The following TRIM62 variants were observed in gnomAD, a reference collection of about 807,000 sequenced individuals.
TRIM62 encodes tripartite motif containing 62.
A neutral mutation model predicts 44.2 loss-of-function variants in TRIM62; 39 were observed. The observed-to-expected ratio is 0.88, with a 90% CI of 0.68 to 1.15. The LOEUF (loss-of-function observed/expected upper bound fraction) is 1.15, where lower values mean the gene tolerates loss of function less well. Among genes scored for constraint, TRIM62 ranks in the 50% most tolerant of loss-of-function variants. The pLI is 0.00. For synonymous variants in TRIM62, 278 were observed against 292.3 expected, an observed-to-expected ratio of 0.95 and a Z score of 0.50; for missense variants, 544 against 665.5, an observed-to-expected ratio of 0.82 and a Z score of 2.01.
chr1:33,181,476 C>A lies in TRIM62; in HGVS notation c.-44G>T. On this transcript the variant is annotated 5_prime_UTR_variant, in exon 1 of 5. Transcript: ENST00000291416. This position sits in a 1 kb window ranked among gnomAD's most constrained non-coding sequence, Gnocchi z 6.5. ...GAGGGGGGCCCGAGGGGCAGGGGGG[C>A]GGCTGAGAGAGCGCGGCGCTGTCGG... 1 of 1,531,896 alleles carries A rather than the reference C, an allele frequency of 6.5e-7. No individual in the cohort carries two copies. Among genetic ancestry groups the A allele is most frequent in the Non-Finnish European group, 8.7e-7 (1 of 1,149,702 alleles). The allele number at this position is 1,531,896 out of a possible 1,614,324, so 94.9% of individuals were successfully genotyped here.
chr1:33,179,748 C>G (rs1570341613), intron 1 of TRIM62, among the ~76,000 whole-genome samples: 1 of 152,074 alleles, frequency 6.6e-6, no homozygotes, highest in African/African-American at 2.4e-5. Flanking sequence ...TATCCCAAAG[C>G]CAGGTACATG....
chr1:33,172,617 C>T (rs2927969), intron 1 of TRIM62, among the ~76,000 whole-genome samples: 7 of 152,090 alleles, frequency 4.6e-5, no homozygotes, highest in Admixed American at 2.0e-4. Flanking sequence ...GTGGAGTCTG[C>T]GCAGCCCTGA....
intron 4 of TRIM62, among the ~76,000 whole-genome samples, chr1:33,153,312 G>A (rs933778746): frequency 6.6e-6 from 1 of 152,228 alleles, no homozygotes; most frequent in South Asian, 2.1e-4. Context: ...CTCCCCAGGG[G>A]CCTCTGCTCT....
intron 2 of TRIM62, among the ~76,000 whole-genome samples, 158 bp from the exon 3 acceptor site, chr1:33,160,102 A>G (rs997823650): frequency 1.3e-5 from 2 of 152,114 alleles, no homozygotes; most frequent in Admixed American, 1.3e-4. Context: ...TGGTGGTAGG[A>G]AAGGATGGGC....
In TRIM62 at chr1:33,181,395, A is replaced by G; in HGVS notation, c.38T>C (p.Ile13Thr). 6.2e-7 allele frequency: 1 copy of G among 1,603,194 alleles called. No homozygotes were observed. The highest frequency in any genetic ancestry group is 8.5e-7 in the Non-Finnish European group (1 of 1,177,338). ...CSLKDELLCSICLSIYQDPVS... is the reference protein window; with the variant it reads ...CSLKDELLCSTCLSIYQDPVS... ...CGGGTCCTGGTAGATGCTCAGGCAGATGGAGCACAGCAGCTCGTCCTTGAG... is the reference window on the plus strand; with the variant it reads ...CGGGTCCTGGTAGATGCTCAGGCAGGTGGAGCACAGCAGCTCGTCCTTGAG... Residue 13 changes from isoleucine (I) to threonine (T), a missense_variant, in exon 1 of 5, where the codon ATC becomes ACC. Ile to Thr is a moderately conservative substitution (Grantham distance 89). Coordinates refer to ENST00000291416, the MANE Select transcript of TRIM62 (RefSeq NM_018207.3). The surrounding 1 kb of genome is among the most constrained non-coding windows in gnomAD (Gnocchi z 6.5).
intron 4 of TRIM62, among the ~76,000 whole-genome samples, chr1:33,155,389 T>G (rs1645164110): frequency 1.3e-5 from 2 of 152,070 alleles, no homozygotes; most frequent in Admixed American, 1.3e-4. Context: ...CTCTTGAACG[T>G]GCCTTGAGGG....
Position 33,181,332 on chromosome 1 carries a change from C to T in TRIM62, c.101G>A (p.Cys34Tyr), listed in dbSNP as rs1408641775. Residue 34 changes from cysteine to tyrosine, a missense_variant, in exon 1 of 5, where the codon TGC becomes TAC. By Grantham distance (194) the Cys-to-Tyr change is radical. Transcript: ENST00000291416. This position sits in a 1 kb window ranked among gnomAD's most constrained non-coding sequence, Gnocchi z 6.5. Reference sequence around the variant, plus strand: ...CTGCCGCACCCAGTGCTCCGTGATGCAGCGGCGGCAGAAGTAATGCTCGCA... The same window carrying T: ...CTGCCGCACCCAGTGCTCCGTGATGTAGCGGCGGCAGAAGTAATGCTCGCA... ...LGCEHYFCRR[C>Y]ITEHWVRQEA... 2 of 1,577,620 alleles carry T rather than the reference C, an allele frequency of 1.3e-6. No individual in the cohort carries two copies. Among genetic ancestry groups the T allele is most frequent in the Non-Finnish European group, 1.7e-6 (2 of 1,165,936 alleles).
intron 1 of TRIM62, among the ~76,000 whole-genome samples, chr1:33,172,547 G>A (rs947465404): frequency 6.6e-6 from 1 of 152,152 alleles, no homozygotes; most frequent in African/African-American, 2.4e-5. Flanking sequence ...CCCCATCGGA[G>A]CGGGGGTGGG....
chr1:33,180,316 C>G (rs566851600), intron 1 of TRIM62, among the ~76,000 whole-genome samples: 1 of 152,034 alleles, frequency 6.6e-6, no homozygotes, highest in African/African-American at 2.4e-5. Context: ...AAGTCCTGGC[C>G]CCACTCAACC....
rs932086494 is a variant in TRIM62 at position 33,181,660 on chromosome 1, G to A, written c.-228C>T. The A allele has an allele frequency of 3.4e-5, 24 of 715,098 alleles. No individual in the cohort carries two copies. The highest frequency in any genetic ancestry group is 5.0e-5 in the Non-Finnish European group (23 of 460,662). The allele number at this position is 715,098 out of a possible 1,614,324, so 44.3% of individuals were successfully genotyped here. A position where few individuals can be genotyped will look rare whatever the true frequency, so the allele number is the denominator to read the frequency against. ...GCCAGCCCGGGAGGGCAGTCTAGAG[G>A]TAGTGGGCAGCTCAAGGCGATGGGC... is the stretch of plus-strand genomic sequence containing the variant. On this transcript the variant is annotated 5_prime_UTR_variant, in exon 1 of 5. Transcript: ENST00000291416. The surrounding 1 kb of genome is among the most constrained non-coding windows in gnomAD (Gnocchi z 6.5).
Position 33,167,186 on chromosome 1 carries a change from C to T in TRIM62, c.409-1620G>A, listed in dbSNP as rs747648110. Among the ~76,000 whole-genome samples the T allele has an allele frequency of 1.3e-5, 2 of 152,288 alleles. No individual in the cohort carries two copies. The highest frequency in any genetic ancestry group is 1.9e-4 in the East Asian group (1 of 5,186). On this transcript the variant is annotated intron_variant, in intron 1 of 4. Coordinates refer to ENST00000291416, the MANE Select transcript of TRIM62 (RefSeq NM_018207.3). The surrounding 1 kb of genome is among the most constrained non-coding windows in gnomAD (Gnocchi z 4.2). ...ACCTCCTTGAAGAGTCTTGCCTGAC[C>T]GCCCCACGCACAGTGGCACCTCCTC...
At chr1:33,154,199 G>A (rs888978476) in intron 4 of TRIM62, among the ~76,000 whole-genome samples, 1 of 152,202 alleles carries the variant, frequency 6.6e-6, no homozygotes, top group African/African-American at 2.4e-5. Context: ...GGTGGCTCAC[G>A]CCTGTAATGC....
chr1:33,149,403 C>T (rs111908457), intron 4 of TRIM62, among the ~76,000 whole-genome samples: 3,156 of 151,880 alleles, frequency 0.021, 90 homozygotes, highest in African/African-American at 0.072. Context: ...ATCTGCCCAC[C>T]TCGGCCTCCC....
In TRIM62 at chr1:33,147,024, A is replaced by T; in HGVS notation, c.*153T>A. Reference sequence around the variant, plus strand: ...GAGAGTTTAGGAAGTAGGGAATGCAACCTCCATTTTACAGACTGGAGGCTG... The same window carrying T: ...GAGAGTTTAGGAAGTAGGGAATGCATCCTCCATTTTACAGACTGGAGGCTG... On this transcript the variant is annotated 3_prime_UTR_variant, in exon 5 of 5. Transcript: ENST00000291416. The surrounding 1 kb of genome is among the most constrained non-coding windows in gnomAD (Gnocchi z 8.1). 1 of 731,728 alleles carries T rather than the reference A, an allele frequency of 1.4e-6. No individual in the cohort carries two copies. The highest frequency in any genetic ancestry group is 2.3e-6 in the Non-Finnish European group (1 of 444,074). The allele number at this position is 731,728 out of a possible 1,614,324, so 45.3% of individuals were successfully genotyped here.
intron 4 of TRIM62, among the ~76,000 whole-genome samples, chr1:33,149,848 G>A (rs969772992): frequency 2.0e-5 from 3 of 152,176 alleles, no homozygotes; most frequent in South Asian, 2.1e-4. Flanking sequence ...TGCACCAAGA[G>A]GGCAAGGACC....
intron 1 of TRIM62, among the ~76,000 whole-genome samples, chr1:33,170,356 A>G (rs1645363567): frequency 6.6e-6 from 1 of 151,548 alleles, no homozygotes; most frequent in African/African-American, 2.4e-5. Context: ...TAGATTGTAC[A>G]TTCCAGCCTG....
intron 4 of TRIM62, among the ~76,000 whole-genome samples, chr1:33,148,862 A>C (rs1645055743): frequency 6.6e-6 from 1 of 152,238 alleles, no homozygotes; most frequent in Non-Finnish European, 1.5e-5. Context: ...TGAGACCCAG[A>C]GGGGAGACAT....
intron 1 of TRIM62, among the ~76,000 whole-genome samples, chr1:33,169,046 C>T (rs1382422485): frequency 6.6e-6 from 1 of 152,154 alleles, no homozygotes; most frequent in Non-Finnish European, 1.5e-5. Context: ...CTCATTTGCC[C>T]ATTCCACAAA....
chr1:33,177,041 ACACACACACG>A lies in TRIM62; in HGVS notation c.408+3974_408+3983del, dbSNP rs1195430344. Among the ~76,000 whole-genome samples the A allele has an allele frequency of 1.7e-5, 1 of 58,360 alleles. No individual in the cohort carries two copies. Among genetic ancestry groups the A allele is most frequent in the Non-Finnish European group, 3.4e-5 (1 of 29,306 alleles). The allele number at this position is 58,360 out of a possible 152,430, so 38.3% of individuals were successfully genotyped here. A position where few individuals can be genotyped will look rare whatever the true frequency, so the allele number is the denominator to read the frequency against. The stretch of plus-strand genomic sequence containing the variant: ...AAGACACCAACACACATACACATGC[ACACACACACG>A]CACACACACACACATGCACACACAC... On this transcript the variant is annotated intron_variant, in intron 1 of 4. Transcript: ENST00000291416. This position sits in a 1 kb window ranked among gnomAD's most constrained non-coding sequence, Gnocchi z 4.1.
Sources: gnomAD v4.1 joint callset for allele counts (sites outside exome capture counted in the v4.1 genomes callset) on GRCh38, gnomAD v4.1.1 for gene constraint, Gnocchi (gnomAD v3.1) non-coding constraint, MANE v1.5 for transcripts, NCBI Gene and HGNC (gene_info 2026-07-23, HGNC 2026-07-21) for gene names.